Variants in PKHD1 observed in about 807,000 individuals in gnomAD.
PKHD1 encodes fibrocystin.
Under a neutral mutation model 412.0 loss-of-function variants are expected in PKHD1, and 291 were observed. That is an observed-to-expected ratio of 0.71 (90% CI 0.64 to 0.78). The LOEUF (loss-of-function observed/expected upper bound fraction) is 0.78. PKHD1 is among the 30% of genes least tolerant of loss of function. The pLI, the probability that PKHD1 is intolerant of heterozygous loss-of-function variation, is 0.00. For synonymous variants in PKHD1, 1,777 were observed against 1,821.5 expected, an observed-to-expected ratio of 0.98 and a Z score of 0.62; for missense variants, 4,825 against 4,950.7, an observed-to-expected ratio of 0.97 and a Z score of 0.76.
intron 59 of PKHD1, 68 bp from the exon 60 acceptor site, chr6:51,744,610 T>C (rs1030510031): frequency 7.2e-5 from 83 of 1,147,380 alleles, no homozygotes; most frequent in Non-Finnish European, 2.5e-5. Context: ...TATACATTGG[T>C]AGTGCTAATG....
In PKHD1 at chr6:52,048,491, C is replaced by G; in HGVS notation, c.2407+1G>C. On this transcript the variant is annotated splice_donor_variant, in intron 23 of 66. Coordinates refer to ENST00000371117, the MANE Select transcript of PKHD1 (RefSeq NM_138694.4). LOFTEE classifies it high-confidence loss of function. ...TGTTGCAACCCCAATCACCCCTTTA[C>G]CAGAAATCACTGTATTAGGAAGCTG... is the stretch of plus-strand genomic sequence containing the variant. The G allele has an allele frequency of 6.2e-7, 1 of 1,614,016 alleles. No homozygotes were observed. The highest frequency in any genetic ancestry group is 2.2e-5 in the East Asian group (1 of 44,890).
intron 29 of PKHD1, among the ~76,000 whole-genome samples, chr6:52,029,352 C>A (rs1802701976): frequency 6.6e-6 from 1 of 152,114 alleles, no homozygotes; most frequent in Non-Finnish European, 1.5e-5. Flanking sequence ...TCTTTTAACT[C>A]AAATATTTAT....
At chr6:52,086,312 T>C (rs576546594) in intron 1 of PKHD1, among the ~76,000 whole-genome samples, 20 of 152,002 alleles carry the variant, frequency 1.3e-4, no homozygotes, top group African/African-American at 4.6e-4. Context: ...GTTTTCACCA[T>C]GATAGCCAGA....
chr6:51,701,332 T>C (rs568203665), intron 60 of PKHD1, among the ~76,000 whole-genome samples: 21 of 152,264 alleles, frequency 1.4e-4, no homozygotes, highest in African/African-American at 5.1e-4. Flanking sequence ...AAAGAATCTC[T>C]TAGGCTGCTT....
rs186980554 is a variant in PKHD1 at position 51,634,733 on chromosome 6, G to T, written c.11507-2010C>A. Among the ~76,000 whole-genome samples the T allele has an allele frequency of 3.9e-5, 6 of 152,258 alleles. No individual in the cohort carries two copies. In the East Asian group the frequency reaches 9.7e-4, roughly 24 times the overall value. On this transcript the variant is annotated intron_variant, in intron 64 of 66. Coordinates refer to ENST00000371117, the MANE Select transcript of PKHD1 (RefSeq NM_138694.4). ...AGTATCTGAGGGGACTCTGAAGGCT[G>T]TGCAAATACATAAACAAAGACAGAG...
chr6:51,982,140 G>A (rs1459217832), intron 35 of PKHD1, among the ~76,000 whole-genome samples: 70 of 49,976 alleles, frequency 1.4e-3, no homozygotes, highest in Middle Eastern at 5.9e-3. Flanking sequence ...CGTCTGGGAA[G>A]TGAGGAGCGT....
At chr6:51,959,752 C>T (rs937022320) in intron 36 of PKHD1, 118 bp downstream of exon 36, 15 of 953,260 alleles carry the variant, frequency 1.6e-5, no homozygotes, top group Admixed American at 5.2e-5. Flanking sequence ...TCAGTTTGGT[C>T]TGAGGATAAA....
At chr6:51,723,451 G>A (rs1782177830) in intron 60 of PKHD1, among the ~76,000 whole-genome samples, 1 of 152,100 alleles carries the variant, frequency 6.6e-6, no homozygotes, top group African/African-American at 2.4e-5. Flanking sequence ...CTAATTACCT[G>A]GGTACTGTCA....
At chr6:52,041,235 T>C (rs1299947064) in intron 27 of PKHD1, among the ~76,000 whole-genome samples, 2 of 152,264 alleles carry the variant, frequency 1.3e-5, no homozygotes, top group African/African-American at 4.8e-5. Context: ...AATTTCTTGC[T>C]GATAGGCCCC....
At chr6:51,803,511 C>T (rs1763240137) in intron 52 of PKHD1, among the ~76,000 whole-genome samples, 1 of 150,244 alleles carries the variant, frequency 6.7e-6, no homozygotes, top group Non-Finnish European at 1.5e-5. Context: ...AGAGTTAATT[C>T]CTCTTTTTAA....
intron 58 of PKHD1, 34 bp downstream of exon 58, chr6:51,747,753 A>C: frequency 6.3e-7 from 1 of 1,584,854 alleles, no homozygotes; most frequent in South Asian, 1.1e-5. Context: ...GGATGTATGA[A>C]ATGGCACTGC....
At chr6:51,647,667 C>G (rs566381869) in intron 63 of PKHD1, among the ~76,000 whole-genome samples, 3 of 152,224 alleles carry the variant, frequency 2.0e-5, no homozygotes, top group African/African-American at 7.2e-5. Context: ...GTCCATGATA[C>G]TATACCAAAC....
intron 47 of PKHD1, among the ~76,000 whole-genome samples, chr6:51,869,846 C>A (rs1480057807): frequency 6.6e-6 from 1 of 152,046 alleles, no homozygotes; most frequent in Non-Finnish European, 1.5e-5. Flanking sequence ...AAACAATTAT[C>A]TAAATTGGTG....
intron 60 of PKHD1, among the ~76,000 whole-genome samples, chr6:51,692,131 C>G (rs1778234219): frequency 6.6e-6 from 1 of 152,088 alleles, no homozygotes; most frequent in African/African-American, 2.4e-5. Flanking sequence ...TCTCACTCCT[C>G]CCAATCTCTC....
At position 52,046,030 on chromosome 6, in the gene PKHD1, T is replaced by C. The variant is rs748787143; in HGVS notation, c.2566A>G (p.Ile856Val). The C allele has an allele frequency of 1.7e-5, 28 of 1,613,490 alleles. 1 individual carries two copies. The South Asian group carries it at 3.0e-4, about 17-fold the overall frequency. The change falls in exon 24 of 67, where the codon ATT becomes GTT. Residue 856 changes from isoleucine (I) to valine (V), a missense_variant. Physicochemically the swap from Ile to Val is conservative, Grantham distance 29. Transcript: ENST00000371117. ...HVWTLSWSTQIGDLPNFIRVS... is the reference protein window; with the variant it reads ...HVWTLSWSTQVGDLPNFIRVS... ...CTGATAAAATTGGGCAAATCCCCAA[T>C]CTGAGTGGACCAGGACAAGGTCCAC...
At chr6:51,664,890 C>T (rs1247396234) in intron 60 of PKHD1, among the ~76,000 whole-genome samples, 6 of 152,010 alleles carry the variant, frequency 3.9e-5, no homozygotes. Flanking sequence ...GAGATTTACC[C>T]CTATGACCTT....
intron 5 of PKHD1, among the ~76,000 whole-genome samples, chr6:52,079,356 A>G (rs1469904806): frequency 6.6e-6 from 1 of 152,198 alleles, no homozygotes; most frequent in Non-Finnish European, 1.5e-5. Context: ...TGTTGGAAAG[A>G]CTTAGCAGAA....
At chr6:51,688,579 G>T (rs1777751729) in intron 60 of PKHD1, among the ~76,000 whole-genome samples, 1 of 150,450 alleles carries the variant, frequency 6.6e-6, no homozygotes, top group Admixed American at 6.6e-5. Flanking sequence ...AAATAATATA[G>T]ATCACTAGCT....
In PKHD1 at chr6:51,916,644, G is replaced by C. The variant is rs147049814; in HGVS notation, c.6122-4068C>G. Among the ~76,000 whole-genome samples, 351 of 152,164 alleles carry C rather than the reference G, an allele frequency of 2.3e-3. 1 individual carries two copies. Among genetic ancestry groups the C allele is most frequent in the Non-Finnish European group, 3.4e-3 (230 of 68,000 alleles). On this transcript the variant is annotated intron_variant, in intron 37 of 66. Coordinates refer to ENST00000371117, the MANE Select transcript of PKHD1 (RefSeq NM_138694.4). The stretch of plus-strand genomic sequence containing the variant: ...TGTTATTTAAATGTCATACAAGGTG[G>C]ACCAACTGACTTCTCTGATGAAGAA...
Sources: allele counts gnomAD v4.1 joint callset (sites outside exome capture counted in the v4.1 genomes callset), GRCh38; gene constraint gnomAD v4.1.1; transcripts MANE v1.5; gene names NCBI Gene and HGNC (gene_info 2026-07-23, HGNC 2026-07-21).